GBE1: variants seen among roughly 807,000 people sequenced by gnomAD.
GBE1 encodes the protein 1,4-alpha-glucan branching enzyme 1.
GBE1 carries 70 observed loss-of-function variants against 88.8 expected under a neutral mutation model. The ratio of observed to expected loss-of-function variants is 0.79; its 90% CI spans 0.65 to 0.96. GBE1 has a LOEUF of 0.96. Among genes scored for constraint, GBE1 ranks in the 40% least tolerant of loss-of-function variants. The probability of loss-of-function intolerance (pLI) is 0.00; values close to 1 mark genes in which losing one functional copy is unlikely to be tolerated. For synonymous variants in GBE1, 284 were observed against 300.1 expected (o/e 0.95, Z 0.56); for missense variants, 872 against 871.0 (o/e 1.00, Z -0.01).
At chr3:81,510,304 G>A (rs570812916) in intron 14 of GBE1, among the ~76,000 whole-genome samples, 2 of 152,134 alleles carry the variant, frequency 1.3e-5, no homozygotes, top group African/African-American at 4.8e-5. Flanking sequence ...TAGCTGTGGT[G>A]GTAGAAACAT....
intron 7 of GBE1, among the ~76,000 whole-genome samples, chr3:81,597,415 G>A (rs1703970964): frequency 6.7e-6 from 1 of 148,292 alleles, no homozygotes; most frequent in Non-Finnish European, 1.5e-5. Context: ...CTTTTAGATG[G>A]TGATGTCAAA....
intron 12 of GBE1, among the ~76,000 whole-genome samples, chr3:81,576,839 G>A (rs1006617310): frequency 2.0e-5 from 3 of 151,970 alleles, no homozygotes; most frequent in Admixed American, 6.6e-5. Context: ...ATGCTTTCTC[G>A]GGGTTGGCTT....
chr3:81,594,420 G>A (rs1302492479), intron 7 of GBE1, among the ~76,000 whole-genome samples: 6 of 151,916 alleles, frequency 3.9e-5, no homozygotes, highest in East Asian at 1.9e-4. Flanking sequence ...TTTTAAAAAG[G>A]ATTTTCATGT....
chr3:81,600,844 C>A (rs531636458), intron 7 of GBE1, among the ~76,000 whole-genome samples: 4 of 151,836 alleles, frequency 2.6e-5, no homozygotes, highest in Non-Finnish European at 5.9e-5. Flanking sequence ...AGCTGTACAG[C>A]AATTGAGGTA....
In GBE1 at chr3:81,761,382, G is replaced by C. The variant is rs758286394; in HGVS notation, c.136C>G (p.Gln46Glu). 2.5e-6 allele frequency: 4 copies of C among 1,608,018 alleles called. No homozygotes were observed. The highest frequency in any genetic ancestry group is 3.4e-6 in the Non-Finnish European group (4 of 1,175,912). Residue 46 changes from glutamine (Q) to glutamate (E), a missense_variant, in exon 1 of 16, where the codon CAG becomes GAG. Coordinates refer to ENST00000429644, the MANE Select transcript of GBE1 (RefSeq NM_000158.4). ...PYLKPYAVDF[Q>E]RRYKQFSQIL... ...GTGGGATTCCGGCGGTACCTGCGCT[G>C]GAAGTCCACGGCGTAGGGCTTCAAG...
chr3:81,535,117 CTT>C lies in GBE1; in HGVS notation c.1934+76_1934+77del, dbSNP rs60133692. On this transcript the variant is annotated intron_variant, in intron 14 of 15. Coordinates refer to ENST00000429644, the MANE Select transcript of GBE1 (RefSeq NM_000158.4). Reference sequence around the variant, plus strand: ...TTCTGTCATCAAGATCAACCTTAGTCTTTTTTTTTTTTTTGTCCTATAATGTA... The same window carrying C: ...TTCTGTCATCAAGATCAACCTTAGTCTTTTTTTTTTTTGTCCTATAATGTA... The C allele has an allele frequency of 0.11, 113,747 of 991,584 alleles. 8 individuals carry two copies. The highest frequency in any genetic ancestry group is 0.22 in the East Asian group (6,565 of 29,206). 61.4% of individuals were successfully genotyped at this position (991,584 alleles called of 1,614,324 possible).
intron 4 of GBE1, among the ~76,000 whole-genome samples, chr3:81,649,581 A>G (rs1014963039): frequency 3.9e-5 from 6 of 152,148 alleles, no homozygotes; most frequent in Non-Finnish European, 7.4e-5. Context: ...TTTAACCTCA[A>G]AAACATAGAC....
chr3:81,728,284 A>C (rs2107200357), intron 1 of GBE1, among the ~76,000 whole-genome samples: 1 of 152,314 alleles, frequency 6.6e-6, no homozygotes, highest in African/African-American at 2.4e-5. Flanking sequence ...AACTCTGTAA[A>C]AGGAAATACA....
rs112229032 is a variant in GBE1, at chr3:81,698,050, TTA to T, written c.313+7392_313+7393del. On this transcript the variant is annotated intron_variant, in intron 2 of 15. Coordinates refer to ENST00000429644, the MANE Select transcript of GBE1 (RefSeq NM_000158.4). The stretch of plus-strand genomic sequence containing the variant: ...ATATAATTTTATATATATATTAGTT[TTA>T]TATATATATATGTGTATATATATAT... Among the ~76,000 whole-genome samples the T allele has an allele frequency of 3.9e-4, 57 of 146,832 alleles. 1 individual carries two copies. The highest frequency in any genetic ancestry group is 3.6e-3 in the Middle Eastern group (1 of 280).
chr3:81,725,510 T>C (rs1706098155), intron 1 of GBE1, among the ~76,000 whole-genome samples: 1 of 152,124 alleles, frequency 6.6e-6, no homozygotes, highest in African/African-American at 2.4e-5. Flanking sequence ...GGATGCTTTA[T>C]AGTTAATTAA....
chr3:81,699,057 C>G (rs1321462811), intron 2 of GBE1, among the ~76,000 whole-genome samples: 4 of 152,056 alleles, frequency 2.6e-5, no homozygotes, highest in African/African-American at 4.8e-5. Flanking sequence ...GGTTAACAAA[C>G]CTAAAGCCTT....
At chr3:81,687,154 C>T (rs373513551) in intron 2 of GBE1, among the ~76,000 whole-genome samples, 20 of 152,116 alleles carry the variant, frequency 1.3e-4, no homozygotes, top group East Asian at 1.2e-3. Context: ...GTTTTCTAAC[C>T]GATAGTCTAT....
intron 14 of GBE1, among the ~76,000 whole-genome samples, chr3:81,513,697 T>C (rs1238632296): frequency 6.6e-6 from 1 of 151,764 alleles, no homozygotes. Flanking sequence ...TTTTAGAAGA[T>C]GATGACAGTA....
intron 2 of GBE1, among the ~76,000 whole-genome samples, chr3:81,684,708 C>T (rs1705407518): frequency 6.6e-6 from 1 of 152,152 alleles, no homozygotes; most frequent in Non-Finnish European, 1.5e-5. Flanking sequence ...CAATTAAAGC[C>T]ATCCTGGAAT....
At chr3:81,512,360 T>C (rs114275205) in intron 14 of GBE1, among the ~76,000 whole-genome samples, 1,596 of 152,006 alleles carry the variant, frequency 0.01, 24 homozygotes, top group African/African-American at 0.036. Flanking sequence ...ACATGTATGC[T>C]ATGAATCTAA....
At chr3:81,645,764 G>T (rs1052686407) in intron 6 of GBE1, among the ~76,000 whole-genome samples, 14 of 152,100 alleles carry the variant, frequency 9.2e-5, no homozygotes, top group Non-Finnish European at 1.5e-4. Context: ...ATAGTTCCCT[G>T]TCATTTTCAT....
chr3:81,602,209 G>A (rs1052598160), intron 7 of GBE1, among the ~76,000 whole-genome samples: 6 of 152,080 alleles, frequency 3.9e-5, no homozygotes, highest in South Asian at 2.1e-4. Flanking sequence ...CATTAGTTCC[G>A]AAAAGCCCTC....
chr3:81,577,432 T>C (rs1473751395), intron 12 of GBE1, among the ~76,000 whole-genome samples: 1 of 152,154 alleles, frequency 6.6e-6, no homozygotes, highest in African/African-American at 2.4e-5. Context: ...TCAGTATTCA[T>C]ATTTTTCTAT....
At chr3:81,495,250 G>C (rs820275) in intron 15 of GBE1, among the ~76,000 whole-genome samples, 102,222 of 151,922 alleles carry the variant, frequency 0.67, 35,139 homozygotes, top group South Asian at 0.84. Flanking sequence ...TTAGCTGGGC[G>C]TGGTGGTGTG....
Sources: allele counts gnomAD v4.1 joint callset (sites outside exome capture counted in the v4.1 genomes callset), GRCh38; gene constraint gnomAD v4.1.1; transcripts MANE v1.5; gene names NCBI Gene and HGNC (gene_info 2026-07-23, HGNC 2026-07-21).